LINGO2: variants seen among roughly 807,000 people sequenced by gnomAD.
LINGO2 encodes leucine rich repeat and Ig domain containing 2.
A neutral mutation model predicts 30.6 loss-of-function variants in LINGO2; 14 were observed. That is an observed-to-expected ratio of 0.46 (90% confidence interval 0.30 to 0.72). The LOEUF (loss-of-function observed/expected upper bound fraction) is 0.72, where lower values mean the gene tolerates loss of function less well. Among genes scored for constraint, LINGO2 ranks in the 30% least tolerant of loss-of-function variants. The pLI, the probability that LINGO2 is intolerant of heterozygous loss-of-function variation, is 0.07. For missense variants in LINGO2, 729 were observed against 751.7 expected (o/e 0.97, Z 0.35); for synonymous variants, 317 against 288.5 (o/e 1.10, Z -1.00).
At chr9:28,310,221 C>G (rs568980449) in intron 3 of LINGO2, among the ~76,000 whole-genome samples, 18 of 152,298 alleles carry the variant, frequency 1.2e-4, no homozygotes, top group African/African-American at 4.3e-4. Flanking sequence ...ATATGACATA[C>G]AAACACTTGT....
At chr9:28,089,076 A>T (rs1413666594) in intron 4 of LINGO2, among the ~76,000 whole-genome samples, 3 of 152,156 alleles carry the variant, frequency 2.0e-5, no homozygotes, top group Non-Finnish European at 2.9e-5. Context: ...AAGTCCTTAG[A>T]GACCTACAAA....
At chr9:28,534,129 C>A (rs1338103158) in intron 1 of LINGO2, among the ~76,000 whole-genome samples, 1 of 152,126 alleles carries the variant, frequency 6.6e-6, no homozygotes, top group Non-Finnish European at 1.5e-5. Context: ...TTAAACCTTG[C>A]CTTGTTTTCA....
chr9:28,892,172 G>A, the LINGO2 span, among the ~76,000 whole-genome samples: 5 of 151,844 alleles, frequency 3.3e-5, no homozygotes, highest in African/African-American at 9.7e-5. Flanking sequence ...AGACTGCAGC[G>A]ATGCACCTAT....
the LINGO2 span, among the ~76,000 whole-genome samples, chr9:28,972,670 C>T: frequency 5.8e-3 from 885 of 152,138 alleles, 10 homozygotes; most frequent in African/African-American, 0.02. Context: ...TTGGGAGACT[C>T]GGTAATTTAT....
exon 6 of LINGO2, chr9:27,949,549 A>T (rs754257328): frequency 6.2e-7 from 1 of 1,614,020 alleles, no homozygotes; most frequent in South Asian, 1.1e-5. Flanking sequence ...TGGCCACCAA[A>T]CTGCAGGGTG....
At chr9:28,203,652 G>C (rs566259102) in intron 4 of LINGO2, among the ~76,000 whole-genome samples, 1 of 152,122 alleles carries the variant, frequency 6.6e-6, no homozygotes, top group South Asian at 2.1e-4. Context: ...ATAATAAACA[G>C]CATCAAGAAA....
intron 1 of LINGO2, among the ~76,000 whole-genome samples, chr9:28,640,229 C>T (rs12376580): frequency 0.28 from 42,262 of 151,808 alleles, 6,794 homozygotes; most frequent in African/African-American, 0.45. Flanking sequence ...GGTAACCCGA[C>T]CTTTCTCTGT....
the LINGO2 span, among the ~76,000 whole-genome samples, chr9:28,854,497 A>C: frequency 3.3e-5 from 5 of 152,096 alleles, no homozygotes; most frequent in Middle Eastern, 3.4e-3. Context: ...TGAAAACAGA[A>C]AATCACTGAT....
intron 3 of LINGO2, among the ~76,000 whole-genome samples, chr9:28,328,881 T>C (rs981924992): frequency 1.2e-4 from 18 of 152,158 alleles, no homozygotes; most frequent in Non-Finnish European, 1.3e-4. Flanking sequence ...GAAGATTTAT[T>C]GTTGAAAGAC....
the LINGO2 span, among the ~76,000 whole-genome samples, chr9:28,992,997 C>T: frequency 6.6e-6 from 1 of 151,560 alleles, no homozygotes; most frequent in East Asian, 1.9e-4. Flanking sequence ...TAGCAGAAGG[C>T]AAGAAATAAC....
At chr9:28,280,470 T>C (rs1587380728) in intron 4 of LINGO2, among the ~76,000 whole-genome samples, 1 of 152,284 alleles carries the variant, frequency 6.6e-6, no homozygotes, top group South Asian at 2.1e-4. Context: ...GAACTAATAG[T>C]AGTTATTAAC....
intron 2 of LINGO2, among the ~76,000 whole-genome samples, chr9:28,415,906 T>A (rs1002262468): frequency 6.6e-6 from 1 of 152,192 alleles, no homozygotes; most frequent in Non-Finnish European, 1.5e-5. Context: ...GAACTGCAGT[T>A]GTGATCTCTG....
intron 4 of LINGO2, among the ~76,000 whole-genome samples, chr9:28,189,685 G>GAAGA (rs1554684573): frequency 4.9e-5 from 1 of 20,532 alleles, no homozygotes; most frequent in Non-Finnish European, 1.1e-4. Context: ...GGAAGGAAGG[G>GAAGA]AGGAAGGAAG....
the LINGO2 span, among the ~76,000 whole-genome samples, chr9:28,799,569 T>C: frequency 6.6e-6 from 1 of 151,974 alleles, no homozygotes; most frequent in Non-Finnish European, 1.5e-5. Flanking sequence ...AGGAGAGAAA[T>C]CAAATCAGGT....
At chr9:29,195,579 TCC>T in the LINGO2 span, among the ~76,000 whole-genome samples, 4 of 152,146 alleles carry the variant, frequency 2.6e-5, no homozygotes, top group Non-Finnish European at 4.4e-5. Flanking sequence ...GTATTATGTT[TCC>T]CTTTTCTCCA....
intron 2 of LINGO2, among the ~76,000 whole-genome samples, chr9:28,449,121 T>C (rs1247637850): frequency 2.0e-5 from 3 of 151,662 alleles, no homozygotes; most frequent in Non-Finnish European, 4.4e-5. Flanking sequence ...GCCTTTTCTA[T>C]AACAAATGGT....
At chr9:28,219,056 A>G (rs1258325614) in intron 4 of LINGO2, among the ~76,000 whole-genome samples, 1 of 152,122 alleles carries the variant, frequency 6.6e-6, no homozygotes, top group Admixed American at 6.6e-5. Context: ...GCAGTCACCC[A>G]GTTTTCAGGC....
the LINGO2 span, among the ~76,000 whole-genome samples, chr9:29,182,495 AC>A: frequency 1.3e-5 from 2 of 152,188 alleles, no homozygotes; most frequent in Admixed American, 6.5e-5. Flanking sequence ...AGATGTTAAA[AC>A]TGGCTCTTCC....
intron 2 of LINGO2, among the ~76,000 whole-genome samples, chr9:28,436,522 G>A (rs910873769): frequency 6.6e-6 from 1 of 151,718 alleles, no homozygotes; most frequent in Non-Finnish European, 1.5e-5. Context: ...CAGTGGCGCA[G>A]TCTCGGCTCA....
Sources: allele counts gnomAD v4.1 joint callset (sites outside exome capture counted in the v4.1 genomes callset), GRCh38; gene constraint gnomAD v4.1.1; transcripts MANE v1.5; gene names NCBI Gene and HGNC (gene_info 2026-07-23, HGNC 2026-07-21).